SH3RF2: variants seen among roughly 807,000 people sequenced by gnomAD.
The protein encoded by SH3RF2 is E3 ubiquitin-protein ligase SH3RF2.
A neutral mutation model predicts 59.0 loss-of-function variants in SH3RF2; 43 were observed. The ratio of observed to expected loss-of-function variants is 0.73; its 90% CI spans 0.57 to 0.94. The LOEUF is 0.94. SH3RF2 is among the 40% of genes least tolerant of loss of function. The probability of loss-of-function intolerance (pLI) is 0.00; values close to 1 mark genes in which losing one functional copy is unlikely to be tolerated. For synonymous variants in SH3RF2, 391 were observed against 391.5 expected (o/e 1.00, Z 0.01); for missense variants, 930 against 940.1 (o/e 0.99, Z 0.14).
intron 5 of SH3RF2, among the ~76,000 whole-genome samples, chr5:146,014,524 G>A (rs1761033966): frequency 6.6e-6 from 1 of 152,110 alleles, no homozygotes; most frequent in Non-Finnish European, 1.5e-5. Flanking sequence ...AGAAACTATG[G>A]GTTATTGAAT....
intron 9 of SH3RF2, among the ~76,000 whole-genome samples, chr5:146,069,109 C>T (rs1434224994): frequency 1.3e-5 from 2 of 152,136 alleles, no homozygotes; most frequent in African/African-American, 4.8e-5. Context: ...ATTTGGTAAA[C>T]ACTACTCAAA....
At chr5:146,030,165 C>T (rs1429332831) in intron 5 of SH3RF2, among the ~76,000 whole-genome samples, 1 of 152,128 alleles carries the variant, frequency 6.6e-6, no homozygotes, top group Non-Finnish European at 1.5e-5. Context: ...TAACTGAGCC[C>T]TTGTGCCTTC....
chr5:146,070,804 AC>A (rs1763217511), intron 9 of SH3RF2, among the ~76,000 whole-genome samples: 1 of 152,184 alleles, frequency 6.6e-6, no homozygotes, highest in South Asian at 2.1e-4. Flanking sequence ...ACAGATGCAA[AC>A]TAATTAGGCA....
At chr5:145,972,988 C>G (rs1474916802) in intron 2 of SH3RF2, among the ~76,000 whole-genome samples, 1 of 152,100 alleles carries the variant, frequency 6.6e-6, no homozygotes, top group African/African-American at 2.4e-5. Context: ...TGGAGTGAGA[C>G]AGACATGTAA....
chr5:145,960,766 G>A (rs780378350), intron 2 of SH3RF2, among the ~76,000 whole-genome samples: 9 of 152,140 alleles, frequency 5.9e-5, no homozygotes, highest in African/African-American at 9.7e-5. Flanking sequence ...AGTCTACAGA[G>A]ATAGAAAATG....
chr5:145,938,838 T>C (rs950482493), intron 2 of SH3RF2, among the ~76,000 whole-genome samples: 6 of 152,216 alleles, frequency 3.9e-5, no homozygotes, highest in Admixed American at 3.9e-4. Flanking sequence ...ACGCGGGAGA[T>C]AGTGCAGGAG....
rs552475882 is a variant in SH3RF2 at position 146,060,094 on chromosome 5, C to T, written c.1784C>T (p.Ser595Phe). The T allele has an allele frequency of 2.2e-5, 36 of 1,614,132 alleles. No homozygotes were observed. In the East Asian group the frequency reaches 7.8e-4, roughly 35 times the overall value. Residue 595 changes from serine to phenylalanine, a missense_variant, in exon 9 of 10, where the codon TCC becomes TTC. Coordinates refer to ENST00000359120, the MANE Select transcript of SH3RF2 (RefSeq NM_152550.4). ...AGGGGCAGTGAGGCCTGGATCCACT[C>T]CGCGGCCAGCTCCCTCATTATGGAA... ...ISRGSEAWIH[S>F]AASSLIMEDK...
At chr5:145,978,272 A>G (rs1759372923) in intron 2 of SH3RF2, among the ~76,000 whole-genome samples, 1 of 152,194 alleles carries the variant, frequency 6.6e-6, no homozygotes, top group Non-Finnish European at 1.5e-5. Flanking sequence ...AGATTATAAG[A>G]GTGGCCACCA....
chr5:146,077,382 G>A (rs753103819), intron 9 of SH3RF2, among the ~76,000 whole-genome samples: 4 of 152,168 alleles, frequency 2.6e-5, no homozygotes, highest in Admixed American at 6.5e-5. Flanking sequence ...AATTCTGGGG[G>A]CTCATGGATT....
In SH3RF2 at chr5:145,938,049, T is replaced by C; in HGVS notation, c.121T>C (p.Phe41Leu). The C allele has an allele frequency of 1.2e-6, 2 of 1,614,240 alleles. No individual in the cohort carries two copies. Among genetic ancestry groups the C allele is most frequent in the Non-Finnish European group, 1.7e-6 (2 of 1,180,034 alleles). The change falls in exon 2 of 10, where the codon TTC becomes CTC. Residue 41 changes from phenylalanine to leucine, a missense_variant. Phe to Leu is a conservative substitution (Grantham distance 22). Transcript: ENST00000359120. Reference protein sequence around the residue: ...TFCKPCLQRVFKAHKELRCPE... With the variant: ...TFCKPCLQRVLKAHKELRCPE... ...CTGCAAACCATGTCTACAGAGGGTT[T>C]TCAAGGCCCACAAAGAGCTGCGGTG...
At chr5:145,986,101 A>T (rs575777502) in intron 2 of SH3RF2, among the ~76,000 whole-genome samples, 3 of 152,334 alleles carry the variant, frequency 2.0e-5, no homozygotes, top group Admixed American at 1.3e-4. Context: ...TTCACTTTGC[A>T]GTTGAGGAAA....
chr5:145,946,225 C>T (rs1387014985), intron 2 of SH3RF2, among the ~76,000 whole-genome samples: 1 of 152,186 alleles, frequency 6.6e-6, no homozygotes, highest in Non-Finnish European at 1.5e-5. Flanking sequence ...CAGGGACACT[C>T]ATGAGCTCAG....
chr5:145,958,143 CA>C (rs904618955), intron 2 of SH3RF2, among the ~76,000 whole-genome samples: 2 of 151,392 alleles, frequency 1.3e-5, no homozygotes, highest in African/African-American at 4.9e-5. Context: ...CAAAACAAAA[CA>C]AAAAAACCTG....
In SH3RF2 at chr5:145,969,274, T is replaced by C. The variant is rs1023366016; in HGVS notation, c.379-30784T>C. Among the ~76,000 whole-genome samples the C allele has an allele frequency of 2.6e-5, 4 of 152,268 alleles. No homozygotes were observed. The South Asian group carries it at 6.2e-4, about 24-fold the overall frequency. On this transcript the variant is annotated intron_variant, in intron 2 of 9. Transcript: ENST00000359120. ...TTTACTGGAAGAAAAGACTTATTTA[T>C]GAAACATTTAAAGAAAAAAACTCTC...
At chr5:146,027,596 G>A (rs1021345263) in intron 5 of SH3RF2, among the ~76,000 whole-genome samples, 38 of 152,202 alleles carry the variant, frequency 2.5e-4, no homozygotes, top group Non-Finnish European at 4.1e-4. Flanking sequence ...GGTATTAAGC[G>A]TGCAAAGTGC....
chr5:145,941,680 G>T lies in SH3RF2; in HGVS notation c.378+3374G>T, dbSNP rs1208519194. ...GTTATGAATCTGTGGACTTGGGTTT[G>T]AGAAATACCCAAATTCAAATCCTGA... On this transcript the variant is annotated intron_variant, in intron 2 of 9. Transcript: ENST00000359120. 2.0e-5 allele frequency among the ~76,000 whole-genome samples: 3 copies of T among 152,200 alleles called. No homozygotes were observed. In the East Asian group the frequency reaches 5.8e-4, roughly 29 times the overall value.
intron 9 of SH3RF2, among the ~76,000 whole-genome samples, chr5:146,070,817 A>T (rs980429820): frequency 6.6e-6 from 1 of 152,216 alleles, no homozygotes; most frequent in Non-Finnish European, 1.5e-5. Context: ...AATTAGGCAA[A>T]TGGGGTCACT....
downstream of SH3RF2, among the ~76,000 whole-genome samples, chr5:146,066,343 C>G (rs1021760651): frequency 1.3e-5 from 2 of 152,224 alleles, no homozygotes; most frequent in African/African-American, 2.4e-5. Flanking sequence ...AGGCCAGTTA[C>G]TTAATCTCTC....
chr5:145,963,652 A>G (rs1758728274), intron 2 of SH3RF2, among the ~76,000 whole-genome samples: 1 of 152,130 alleles, frequency 6.6e-6, no homozygotes, highest in African/African-American at 2.4e-5. Context: ...TGTCAGGCTG[A>G]TTAGACACCC....
Sources: allele counts gnomAD v4.1 joint callset (sites outside exome capture counted in the v4.1 genomes callset), GRCh38; gene constraint gnomAD v4.1.1; transcripts MANE v1.5; gene names NCBI Gene and HGNC (gene_info 2026-07-23, HGNC 2026-07-21).